ELAPOR1: variants seen among roughly 807,000 people sequenced by gnomAD.
ELAPOR1 encodes endosome/lysosome-associated apoptosis and autophagy regulator 1.
Under a neutral mutation model 119.7 loss-of-function variants are expected in ELAPOR1, and 77 were observed. The ratio of observed to expected loss-of-function variants is 0.64; its 90% CI spans 0.54 to 0.78. ELAPOR1 has a LOEUF of 0.78. Ranked by LOEUF, ELAPOR1 falls within the 30% of genes least tolerant of loss-of-function variation. The pLI, the probability that ELAPOR1 is intolerant of heterozygous loss-of-function variation, is 0.00. For synonymous variants in ELAPOR1, 481 were observed against 487.2 expected (o/e 0.99, Z 0.17); for missense variants, 1,115 against 1,270.4 (o/e 0.88, Z 1.86).
chr1:109,135,045 G>GA (rs1310165252), intron 1 of ELAPOR1, among the ~76,000 whole-genome samples: 1 of 152,060 alleles, frequency 6.6e-6, no homozygotes, highest in Admixed American at 6.6e-5. Flanking sequence ...TGACTCAAAA[G>GA]AAAAAATAAT....
chr1:109,183,549 T>TCC (rs1652851928), intron 7 of ELAPOR1, among the ~76,000 whole-genome samples: 57 of 81,186 alleles, frequency 7.0e-4, no homozygotes, highest in East Asian at 5.6e-4. Context: ...CTTTCTTTCT[T>TCC]TTCCTTCCTT....
At chr1:109,143,723 G>A (rs1432787560) in intron 1 of ELAPOR1, among the ~76,000 whole-genome samples, 1 of 152,142 alleles carries the variant, frequency 6.6e-6, no homozygotes, top group Non-Finnish European at 1.5e-5. Context: ...AGGCTGGAGT[G>A]CAGTGGGACA....
Position 109,192,820 on chromosome 1 carries a change from G to A in ELAPOR1, c.1893G>A (p.Gln631=). The change falls in exon 14 of 22, where the codon CAG becomes CAA. Residue 631 remains glutamine, a synonymous_variant. Coordinates refer to ENST00000369939, the MANE Select transcript of ELAPOR1 (RefSeq NM_020775.5). ...CTAACACAATTCTGAAAGCCCACCA[G>A]CCTTATGGTGTCCAGGCCTGTGTGC... ...CPTNTILKAH[Q]PYGVQACVPC... 6.2e-7 allele frequency: 1 copy of A among 1,614,088 alleles called. No individual in the cohort carries two copies. The highest frequency in any genetic ancestry group is 8.5e-7 in the Non-Finnish European group (1 of 1,180,040).
chr1:109,164,457 A>C, intron 2 of ELAPOR1, 42 bp from the exon 3 acceptor site: 1 of 1,560,702 alleles, frequency 6.4e-7, no homozygotes, highest in African/African-American at 1.3e-5. Context: ...CTGGGGCTGC[A>C]GTGACCTCAC....
intron 15 of ELAPOR1, among the ~76,000 whole-genome samples, chr1:109,197,038 AC>A (rs1338465780): frequency 6.6e-6 from 1 of 150,686 alleles, no homozygotes; most frequent in African/African-American, 2.4e-5. Flanking sequence ...ACAGTGGCTC[AC>A]CCCTGTAATC....
At chr1:109,120,756 T>C (rs138621605) in intron 1 of ELAPOR1, among the ~76,000 whole-genome samples, 1 of 152,286 alleles carries the variant, frequency 6.6e-6, no homozygotes, top group East Asian at 1.9e-4. Context: ...CTTTTACAGC[T>C]TTCTTCAGTT....
At chr1:109,170,554 G>A (rs1411932169) in intron 3 of ELAPOR1, among the ~76,000 whole-genome samples, 1 of 152,174 alleles carries the variant, frequency 6.6e-6, no homozygotes, top group East Asian at 1.9e-4. Context: ...GAAGAGGGAA[G>A]AGGATGTCAG....
chr1:109,174,280 C>T (rs573847699), intron 7 of ELAPOR1, among the ~76,000 whole-genome samples: 1 of 151,016 alleles, frequency 6.6e-6, no homozygotes, highest in South Asian at 2.1e-4. Flanking sequence ...GCCTCTCAAG[C>T]TGTGAGCCTA....
chr1:109,194,576 C>T lies in ELAPOR1; in HGVS notation c.2103C>T (p.Leu701=). ...TGAAATACTTCCATCACTTTACCCT[C>T]AGTCTCTGTGGAAACCAGGTAAGGT... ...KGLKYFHHFT[L]SLCGNQGRKM... is the part of the protein sequence containing the mutation. The change falls in exon 15 of 22, where the codon CTC becomes CTT. Residue 701 remains leucine (L), a synonymous_variant. Coordinates refer to ENST00000369939, the MANE Select transcript of ELAPOR1 (RefSeq NM_020775.5). The T allele has an allele frequency of 6.2e-7, 1 of 1,613,928 alleles. No individual in the cohort carries two copies. Among genetic ancestry groups the T allele is most frequent in the Non-Finnish European group, 8.5e-7 (1 of 1,179,762 alleles).
chr1:109,161,056 T>C (rs1299182172), intron 1 of ELAPOR1, among the ~76,000 whole-genome samples: 1 of 152,174 alleles, frequency 6.6e-6, no homozygotes, highest in Non-Finnish European at 1.5e-5. Flanking sequence ...CGGCCAAATA[T>C]ATTTTCATAA....
At chr1:109,152,952 CAAA>C (rs11392572) in intron 1 of ELAPOR1, among the ~76,000 whole-genome samples, 5 of 102,398 alleles carry the variant, frequency 4.9e-5, no homozygotes, top group Admixed American at 1.2e-4. Flanking sequence ...ACCCTGTCTC[CAAA>C]AAAAAAAAAA....
rs1412859258 is a variant in ELAPOR1, at chr1:109,204,960, T to G, written c.*1948T>G. Reference sequence around the variant, plus strand: ...TCACTATTAAGCCCCTATCTTTCTCTTTTTTTCATTCTCAATTGCTTTGTG... The same window carrying G: ...TCACTATTAAGCCCCTATCTTTCTCGTTTTTTCATTCTCAATTGCTTTGTG... On this transcript the variant is annotated 3_prime_UTR_variant, in exon 22 of 22. Coordinates refer to ENST00000369939, the MANE Select transcript of ELAPOR1 (RefSeq NM_020775.5). The G allele has an allele frequency of 6.6e-6, 1 of 152,178 alleles. No individual in the cohort carries two copies. The highest frequency in any genetic ancestry group is 1.5e-5 in the Non-Finnish European group (1 of 68,008). 9.4% of individuals were successfully genotyped at this position (152,178 alleles called of 1,614,324 possible).
chr1:109,117,303 A>G (rs763458067), intron 1 of ELAPOR1, among the ~76,000 whole-genome samples: 4 of 152,216 alleles, frequency 2.6e-5, no homozygotes, highest in Non-Finnish European at 5.9e-5. Context: ...GTTTTCATGA[A>G]TCGTTTCTTT....
At chr1:109,121,233 G>A (rs375293522) in intron 1 of ELAPOR1, among the ~76,000 whole-genome samples, 2 of 151,690 alleles carry the variant, frequency 1.3e-5, no homozygotes, top group African/African-American at 4.8e-5. Flanking sequence ...TGCAACCTCC[G>A]CCTCCCAGGT....
chr1:109,184,371 C>CAAT (rs1377116171), intron 7 of ELAPOR1, among the ~76,000 whole-genome samples: 2 of 151,868 alleles, frequency 1.3e-5, no homozygotes, highest in South Asian at 2.1e-4. Context: ...AACTCCATCT[C>CAAT]AATAATAATA....
At chr1:109,130,860 G>T (rs549361027) in intron 1 of ELAPOR1, among the ~76,000 whole-genome samples, 1 of 152,152 alleles carries the variant, frequency 6.6e-6, no homozygotes, top group Admixed American at 6.6e-5. Context: ...AATATTAGCT[G>T]GACATGGTGA....
chr1:109,136,976 C>T (rs1048980857), intron 1 of ELAPOR1, among the ~76,000 whole-genome samples: 7 of 152,120 alleles, frequency 4.6e-5, no homozygotes, highest in Non-Finnish European at 8.8e-5. Context: ...GAGCTCCCAC[C>T]GGCCAGAAGG....
Position 109,206,593 on chromosome 1 carries a change from T to C in ELAPOR1, c.*3581T>C, listed in dbSNP as rs1654508587. 6.6e-6 allele frequency: 1 copy of C among 152,230 alleles called. No individual in the cohort carries two copies. The highest frequency in any genetic ancestry group is 1.5e-5 in the Non-Finnish European group (1 of 68,040). 9.4% of individuals were successfully genotyped at this position (152,230 alleles called of 1,614,324 possible). A position where few individuals can be genotyped will look rare whatever the true frequency, so the allele number is the denominator to read the frequency against. On this transcript the variant is annotated 3_prime_UTR_variant, in exon 22 of 22. Coordinates refer to ENST00000369939, the MANE Select transcript of ELAPOR1 (RefSeq NM_020775.5). ...TTTTTTTGTCTGACTACATTAAAGA[T>C]AAGACTGACTATATTTATACAACAG...
chr1:109,181,346 A>G (rs1652684465), intron 7 of ELAPOR1, among the ~76,000 whole-genome samples: 1 of 152,194 alleles, frequency 6.6e-6, no homozygotes, highest in Non-Finnish European at 1.5e-5. Flanking sequence ...GCCCAGGGCC[A>G]ATCCTACTTA....
Sources: allele counts gnomAD v4.1 joint callset (sites outside exome capture counted in the v4.1 genomes callset), GRCh38; gene constraint gnomAD v4.1.1; transcripts MANE v1.5; gene names NCBI Gene and HGNC (gene_info 2026-07-23, HGNC 2026-07-21).